Variants in PLXNA4 observed in about 807,000 individuals in gnomAD.
PLXNA4 encodes the protein plexin A4.
Under a neutral mutation model 191.8 loss-of-function variants are expected in PLXNA4, and 44 were observed. The observed-to-expected ratio is 0.23, with a 90% CI of 0.18 to 0.29. The LOEUF is 0.29. PLXNA4 is among the 10% of genes least tolerant of loss of function. The probability of loss-of-function intolerance (pLI) is 1.00; values close to 1 mark genes in which losing one functional copy is unlikely to be tolerated. For synonymous variants in PLXNA4, 1,082 were observed against 1,009.5 expected (o/e 1.07, Z -1.36); for missense variants, 1,800 against 2,488.8 (o/e 0.72, Z 5.89).
intron 3 of PLXNA4, among the ~76,000 whole-genome samples, chr7:132,398,511 C>A (rs935586672): frequency 1.3e-5 from 2 of 152,218 alleles, no homozygotes; most frequent in African/African-American, 4.8e-5. Flanking sequence ...TGACGGGAAC[C>A]CCAGCTCTGC....
chr7:132,166,921 C>T (rs1796140300), intron 22 of PLXNA4, among the ~76,000 whole-genome samples: 1 of 152,124 alleles, frequency 6.6e-6, no homozygotes, highest in South Asian at 2.1e-4. Context: ...CAGGCAAATG[C>T]CCACTGCTCC....
At chr7:132,363,024 G>A (rs141942017) in intron 3 of PLXNA4, among the ~76,000 whole-genome samples, 26 of 152,070 alleles carry the variant, frequency 1.7e-4, no homozygotes, top group Admixed American at 7.2e-4. Flanking sequence ...TCACTCTGTC[G>A]CCCAGGCTGG....
At chr7:132,568,318 A>G (rs575974677) in intron 1 of PLXNA4, among the ~76,000 whole-genome samples, 3 of 152,288 alleles carry the variant, frequency 2.0e-5, no homozygotes, top group African/African-American at 7.2e-5. Context: ...GCCCCAAAAC[A>G]TTAGAAAAGT....
intron 3 of PLXNA4, among the ~76,000 whole-genome samples, chr7:132,315,749 G>T (rs369704941): frequency 6.6e-6 from 1 of 152,206 alleles, no homozygotes; most frequent in East Asian, 1.9e-4. Context: ...AATGTGAGCT[G>T]ATTGTTAGGA....
intron 4 of PLXNA4, among the ~76,000 whole-genome samples, chr7:132,270,273 AG>A (rs1365616842): frequency 3.9e-5 from 6 of 152,204 alleles, no homozygotes; most frequent in African/African-American, 1.4e-4. Context: ...CCGCGGGAAT[AG>A]TTTCCAAATA....
At chr7:132,251,437 A>C (rs1799247551) in intron 4 of PLXNA4, among the ~76,000 whole-genome samples, 1 of 152,028 alleles carries the variant, frequency 6.6e-6, no homozygotes, top group Admixed American at 6.5e-5. Context: ...GCACGGTGAC[A>C]CCTAACTCCT....
At chr7:132,278,550 C>T (rs1218176597) in intron 4 of PLXNA4, among the ~76,000 whole-genome samples, 1 of 152,172 alleles carries the variant, frequency 6.6e-6, no homozygotes, top group Non-Finnish European at 1.5e-5. Context: ...CAGTCAATGC[C>T]AACTAGTTAA....
chr7:132,632,280 T>C (rs941773883), intron 2 of PLXNA4, among the ~76,000 whole-genome samples: 1 of 151,786 alleles, frequency 6.6e-6, no homozygotes, highest in African/African-American at 2.4e-5. Context: ...CATTCTAAAT[T>C]TCTTAGGTAG....
intron 2 of PLXNA4, among the ~76,000 whole-genome samples, chr7:132,618,323 G>A (rs557478874): frequency 1.4e-4 from 22 of 152,130 alleles, no homozygotes; most frequent in Non-Finnish European, 3.1e-4. Flanking sequence ...CATTCATCAC[G>A]GTGCTGGGTG....
chr7:132,151,669 T>C (rs566367544), intron 25 of PLXNA4, among the ~76,000 whole-genome samples: 14 of 151,808 alleles, frequency 9.2e-5, no homozygotes, highest in Admixed American at 7.2e-4. Context: ...AAAGTAGTAG[T>C]TGAAATTGTT....
At chr7:132,146,792 A>T (rs1056658434) in intron 27 of PLXNA4, 92 bp from the exon 28 acceptor site, 1 of 1,558,126 alleles carries the variant, frequency 6.4e-7, no homozygotes, top group African/African-American at 1.4e-5. Flanking sequence ...GCAGAAGCCA[A>T]CGACTGTCTG....
chr7:132,305,403 C>CACACAT (rs1801477812), intron 3 of PLXNA4, among the ~76,000 whole-genome samples: 1 of 150,586 alleles, frequency 6.6e-6, no homozygotes, highest in African/African-American at 2.5e-5. Context: ...CACACACACA[C>CACACAT]ACACTCTACT....
intron 4 of PLXNA4, among the ~76,000 whole-genome samples, chr7:132,290,609 G>A (rs189723145): frequency 6.6e-6 from 1 of 152,180 alleles, no homozygotes; most frequent in Non-Finnish European, 1.5e-5. Context: ...TACAAAGCAA[G>A]AAGGAGGCTA....
At chr7:132,142,591 G>T (rs1429026057) in intron 29 of PLXNA4, among the ~76,000 whole-genome samples, 3 of 152,224 alleles carry the variant, frequency 2.0e-5, no homozygotes, top group African/African-American at 4.8e-5. Flanking sequence ...TACAAAGTGT[G>T]CAGGGCGGGA....
chr7:132,606,944 C>T (rs898949895), intron 2 of PLXNA4, among the ~76,000 whole-genome samples: 1 of 152,184 alleles, frequency 6.6e-6, no homozygotes, highest in Non-Finnish European at 1.5e-5. Flanking sequence ...AAGTGAGATT[C>T]ACACAGTCCC....
chr7:132,501,470 T>A (rs563112934), intron 2 of PLXNA4, among the ~76,000 whole-genome samples: 1 of 152,232 alleles, frequency 6.6e-6, no homozygotes, highest in East Asian at 1.9e-4. Context: ...GACTCCTGGG[T>A]CCCGCCTCAC....
intron 3 of PLXNA4, among the ~76,000 whole-genome samples, chr7:132,452,375 T>C (rs1035739649): frequency 6.6e-5 from 10 of 152,192 alleles, no homozygotes; most frequent in Non-Finnish European, 1.5e-4. Context: ...CCAGGGAGCC[T>C]GTGGCATGCC....
rs147668299 is a variant in PLXNA4 at position 132,383,423 on chromosome 7, T to C, written c.1372-85201A>G. On this transcript the variant is annotated intron_variant, in intron 3 of 31. Coordinates refer to ENST00000321063, the MANE Select transcript of PLXNA4 (RefSeq NM_020911.2). ...CTCATTAAAGAAAATTAAGAAAAAA[T>C]GTAAATAAATAGAAAACAATAAATA... 1,008 of 417,128 alleles carry C rather than the reference T, an allele frequency of 2.4e-3. 8 individuals carry two copies. Among genetic ancestry groups the C allele is most frequent in the African/African-American group, 0.021 (978 of 46,186 alleles). The allele number at this position is 417,128 out of a possible 1,614,324, so 25.8% of individuals were successfully genotyped here.
rs1798214720 is a variant in PLXNA4, at chr7:132,223,593, G to A, written c.2031C>T (p.Tyr677=). The A allele has an allele frequency of 6.2e-7, 1 of 1,613,750 alleles. No individual in the cohort carries two copies. The highest frequency in any genetic ancestry group is 8.5e-7 in the Non-Finnish European group (1 of 1,179,948). The change falls in exon 9 of 32, where the codon TAC becomes TAT. Residue 677 remains tyrosine, a synonymous_variant. Coordinates refer to ENST00000321063, the MANE Select transcript of PLXNA4 (RefSeq NM_020911.2). ...ESPYRCHWCK[Y]RHVCTHDPKT... is the part of the protein sequence containing the mutation. The stretch of plus-strand genomic sequence containing the variant: ...TGGGGTCATGGGTGCAGACATGCCG[G>A]TATTTACACCAGTGGCAGCGGTATG...
Sources: gnomAD v4.1 joint callset for allele counts (sites outside exome capture counted in the v4.1 genomes callset) on GRCh38, gnomAD v4.1.1 for gene constraint, MANE v1.5 for transcripts, NCBI Gene and HGNC (gene_info 2026-07-23, HGNC 2026-07-21) for gene names.